Variants in LRRC2 observed in about 807,000 individuals in gnomAD.
LRRC2 encodes the protein leucine rich repeat containing 2.
LRRC2 carries 27 observed loss-of-function variants against 40.2 expected under a neutral mutation model. The observed-to-expected ratio is 0.67, with a 90% CI of 0.49 to 0.93. The LOEUF is 0.93. Among genes scored for constraint, LRRC2 ranks in the 40% least tolerant of loss-of-function variants. The pLI, the probability that LRRC2 is intolerant of heterozygous loss-of-function variation, is 0.00. For synonymous variants in LRRC2, 147 were observed against 158.9 expected, an observed-to-expected ratio of 0.92 and a Z score of 0.56; for missense variants, 402 against 439.6, an observed-to-expected ratio of 0.91 and a Z score of 0.76.
At chr3:46,536,432 C>A (rs1020360004) in intron 4 of LRRC2, among the ~76,000 whole-genome samples, 1 of 152,166 alleles carries the variant, frequency 6.6e-6, no homozygotes, top group African/African-American at 2.4e-5. Context: ...ATGACAGCAA[C>A]AACTATTATC....
chr3:46,545,217 C>T lies in LRRC2; in HGVS notation c.162G>A (p.Arg54=). The change falls in exon 3 of 9, where the codon AGG becomes AGA. Residue 54 remains arginine, a synonymous_variant. Transcript: ENST00000395905. ...KEEWNFVAEC[R]RKGIPQAVYC... is the part of the protein sequence containing the mutation. The stretch of plus-strand genomic sequence containing the variant: ...ATACAGCCTGGGGGATGCCCTTCCT[C>T]CTGCATTCGGCCACAAAGTTCCACT... The T allele has an allele frequency of 3.7e-6, 6 of 1,614,174 alleles. No homozygotes were observed. Among genetic ancestry groups the T allele is most frequent in the Middle Eastern group, 3.3e-4 (2 of 6,062 alleles).
intron 2 of LRRC2, among the ~76,000 whole-genome samples, chr3:46,547,698 GTGTGTGTA>G (rs1477083869): frequency 1.5e-4 from 2 of 13,166 alleles, no homozygotes; most frequent in African/African-American, 4.4e-4. Flanking sequence ...TAACATATGT[GTGTGTGTA>G]TGTGTGTGTG....
chr3:46,548,420 A>G (rs114046836), intron 2 of LRRC2, among the ~76,000 whole-genome samples: 2,429 of 152,284 alleles, frequency 0.016, 32 homozygotes, highest in Middle Eastern at 0.031. Flanking sequence ...TTTTAATTCC[A>G]TTCTCTTCCT....
At chr3:46,562,556 CT>C (rs1349771862) in intron 1 of LRRC2, among the ~76,000 whole-genome samples, 2 of 152,156 alleles carry the variant, frequency 1.3e-5, no homozygotes, top group Non-Finnish European at 2.9e-5. Flanking sequence ...CTGGTGCCAT[CT>C]GGTGTGCATG....
chr3:46,553,926 T>C (rs1341718737), intron 1 of LRRC2, among the ~76,000 whole-genome samples: 1 of 152,242 alleles, frequency 6.6e-6, no homozygotes, highest in Admixed American at 6.5e-5. Flanking sequence ...AATGCTGACC[T>C]AATTTATTCC....
intron 7 of LRRC2, 100 bp downstream of exon 7, chr3:46,527,326 A>G: frequency 8.0e-7 from 1 of 1,242,754 alleles, no homozygotes; most frequent in South Asian, 1.3e-5. Flanking sequence ...AGAGTACGAG[A>G]GCCATCTAAT....
At chr3:46,523,476 C>A (rs184697205) in intron 7 of LRRC2, among the ~76,000 whole-genome samples, 1 of 152,142 alleles carries the variant, frequency 6.6e-6, no homozygotes, top group Non-Finnish European at 1.5e-5. Flanking sequence ...AGTTTCCCAA[C>A]CTTCCCACTT....
At chr3:46,559,953 T>C (rs1704898332) in intron 1 of LRRC2, among the ~76,000 whole-genome samples, 1 of 152,160 alleles carries the variant, frequency 6.6e-6, no homozygotes, top group African/African-American at 2.4e-5. Context: ...GTTTGCAACA[T>C]GTATAATGAA....
intron 3 of LRRC2, among the ~76,000 whole-genome samples, chr3:46,544,240 C>T (rs755847117): frequency 7.9e-5 from 12 of 152,086 alleles, no homozygotes; most frequent in Non-Finnish European, 1.5e-4. Context: ...ATACAAAGCC[C>T]GGGCGTGGTG....
At chr3:46,564,668 G>A (rs1483706961) in intron 1 of LRRC2, among the ~76,000 whole-genome samples, 1 of 152,124 alleles carries the variant, frequency 6.6e-6, no homozygotes, top group African/African-American at 2.4e-5. Flanking sequence ...GAGCAGGAGA[G>A]GAGGACGGAG....
In LRRC2 at chr3:46,551,534, G is replaced by A. The variant is rs769868699; in HGVS notation, c.58C>T (p.Arg20Cys). The A allele has an allele frequency of 1.5e-5, 25 of 1,614,012 alleles. No homozygotes were observed. The Admixed American group carries it at 2.0e-4, about 13-fold the overall frequency. Reference sequence around the variant, plus strand: ...TGCCAAGCTTTGTGCTTCTTGACACGAGTTTCCCACAAGGCTCTGATGACA... The same window carrying A: ...TGCCAAGCTTTGTGCTTCTTGACACAAGTTTCCCACAAGGCTCTGATGACA... ...ISVIRALWET[R>C]VKKHKAWQKK... The change falls in exon 2 of 9, where the codon CGT becomes TGT. Residue 20 changes from arginine (R) to cysteine (C), a missense_variant. Arg to Cys is a radical substitution (Grantham distance 180). Transcript: ENST00000395905.
chr3:46,540,862 G>A (rs1704370953), intron 3 of LRRC2, among the ~76,000 whole-genome samples: 1 of 152,192 alleles, frequency 6.6e-6, no homozygotes, highest in African/African-American at 2.4e-5. Context: ...CTGGAACTGA[G>A]ACAAAATGAG....
intron 4 of LRRC2, among the ~76,000 whole-genome samples, chr3:46,534,787 C>T (rs1323717220): frequency 2.0e-5 from 3 of 152,142 alleles, no homozygotes; most frequent in East Asian, 1.9e-4. Context: ...GACTCCTCCC[C>T]TTCATCAGCC....
intron 7 of LRRC2, among the ~76,000 whole-genome samples, chr3:46,526,181 T>C (rs1704058373): frequency 1.3e-5 from 2 of 152,248 alleles, no homozygotes; most frequent in African/African-American, 4.8e-5. Context: ...CTTGAACTTC[T>C]ACAGGTTATT....
intron 3 of LRRC2, among the ~76,000 whole-genome samples, chr3:46,539,422 T>G (rs1298188455): frequency 6.6e-6 from 1 of 152,194 alleles, no homozygotes; most frequent in Non-Finnish European, 1.5e-5. Context: ...TGCCGTGAAT[T>G]CATGATGTTA....
At position 46,527,578 on chromosome 3, in the gene LRRC2, T is replaced by C; in HGVS notation, c.777A>G (p.Leu259=). ...ACAAGAGAAAGCTCTGCAGCTCCTC[T>C]AGCCTAAGAAGAGGTAAAAACAATC... ...LTDLPQDIDR[L]EELQSFLLYK... Residue 259 remains leucine, a synonymous_variant, in exon 7 of 9, where the codon CTA becomes CTG. Transcript: ENST00000395905. The C allele has an allele frequency of 3.7e-6, 6 of 1,613,828 alleles. No individual in the cohort carries two copies. In the South Asian group the frequency reaches 5.5e-5, roughly 15 times the overall value.
At chr3:46,540,258 C>T (rs1704357502) in intron 3 of LRRC2, among the ~76,000 whole-genome samples, 1 of 152,204 alleles carries the variant, frequency 6.6e-6, no homozygotes, top group African/African-American at 2.4e-5. Flanking sequence ...GGCACAGTGG[C>T]TCACGCCTGT....
chr3:46,544,467 GAACAAAACAA>G (rs760595239), intron 3 of LRRC2, among the ~76,000 whole-genome samples: 5 of 152,248 alleles, frequency 3.3e-5, no homozygotes, highest in African/African-American at 1.2e-4. Flanking sequence ...CAAGACTCTT[GAACAAAACAA>G]AACAAAACAA....
At chr3:46,544,411 C>T (rs1043805063) in intron 3 of LRRC2, among the ~76,000 whole-genome samples, 2 of 152,116 alleles carry the variant, frequency 1.3e-5, no homozygotes. Flanking sequence ...CCCAGCTCCT[C>T]GGGAAACTGA....
Sources: allele counts gnomAD v4.1 joint callset (sites outside exome capture counted in the v4.1 genomes callset), GRCh38; gene constraint gnomAD v4.1.1; transcripts MANE v1.5; gene names NCBI Gene and HGNC (gene_info 2026-07-23, HGNC 2026-07-21).